The following SCFD2 variants were observed in gnomAD, a reference collection of about 807,000 sequenced individuals.
SCFD2 encodes sec1 family domain-containing protein 2.
SCFD2 carries 54 observed loss-of-function variants against 58.9 expected under a neutral mutation model. That is an observed-to-expected ratio of 0.92 (90% CI 0.74 to 1.15). The LOEUF (loss-of-function observed/expected upper bound fraction) is 1.15, where lower values mean the gene tolerates loss of function less well. SCFD2 is among the 50% of genes most tolerant of loss of function. The pLI, the probability that SCFD2 is intolerant of heterozygous loss-of-function variation, is 0.00. For synonymous variants in SCFD2, 321 were observed against 335.9 expected, an observed-to-expected ratio of 0.96 and a Z score of 0.49; for missense variants, 805 against 836.6, an observed-to-expected ratio of 0.96 and a Z score of 0.47.
At chr4:52,955,879 C>T (rs1035657532) in intron 5 of SCFD2, 9 of 354,754 alleles carry the variant, frequency 2.5e-5, no homozygotes, top group African/African-American at 1.7e-4. Flanking sequence ...AGTTAGCATG[C>T]TCTAATTGAA....
At chr4:52,923,477 CAAAT>C (rs57571099) in intron 5 of SCFD2, among the ~76,000 whole-genome samples, 4,582 of 134,400 alleles carry the variant, frequency 0.034, 260 homozygotes, top group African/African-American at 0.12. Context: ...GACTGCATCT[CAAAT>C]AAATAAATAA....
At chr4:53,048,942 G>T (rs1271615434) in intron 5 of SCFD2, among the ~76,000 whole-genome samples, 7 of 151,984 alleles carry the variant, frequency 4.6e-5, no homozygotes, top group Non-Finnish European at 7.4e-5. Context: ...GCGAGACCTA[G>T]TCTCAAATAA....
intron 5 of SCFD2, among the ~76,000 whole-genome samples, chr4:52,999,440 C>T (rs1361453466): frequency 6.6e-6 from 1 of 152,142 alleles, no homozygotes; most frequent in African/African-American, 2.4e-5. Flanking sequence ...GGAGGTGACA[C>T]AAATCAGAGG....
At chr4:53,239,611 A>C (rs1158581253) in intron 4 of SCFD2, among the ~76,000 whole-genome samples, 1 of 152,076 alleles carries the variant, frequency 6.6e-6, no homozygotes, top group Non-Finnish European at 1.5e-5. Flanking sequence ...TAGCCTCATG[A>C]GTAGCTGGGA....
At chr4:52,924,153 T>C (rs1719809517) in intron 5 of SCFD2, among the ~76,000 whole-genome samples, 1 of 152,188 alleles carries the variant, frequency 6.6e-6, no homozygotes, top group African/African-American at 2.4e-5. Context: ...CCATTTTCCA[T>C]ATGGTCTCTT....
chr4:53,237,495 A>AT (rs1484747640), intron 4 of SCFD2, among the ~76,000 whole-genome samples: 7 of 8,178 alleles, frequency 8.6e-4, no homozygotes, highest in African/African-American at 1.8e-3. Flanking sequence ...TCCCTCCCGG[A>AT]CGGGCGGCTG....
At position 53,062,392 on chromosome 4, in the gene SCFD2, A is replaced by AATAATG. The variant is rs1211209032; in HGVS notation, c.1561+82940_1561+82941insCATTAT. ...CAAAGAAAAAAATACGTACAATAAC[A>AATAATG]ATAATAATAATAATAATAATAATAG... On this transcript the variant is annotated intron_variant, in intron 5 of 8. Transcript: ENST00000401642. 8.5e-5 allele frequency among the ~76,000 whole-genome samples: 3 copies of AATAATG among 35,340 alleles called. No individual in the cohort carries two copies. In the East Asian group the frequency reaches 2.4e-3, roughly 28 times the overall value. 23.2% of individuals were successfully genotyped at this position (35,340 alleles called of 152,430 possible).
intron 5 of SCFD2, among the ~76,000 whole-genome samples, chr4:53,014,659 CT>C (rs1436387397): frequency 2.0e-5 from 3 of 152,174 alleles, no homozygotes; most frequent in Non-Finnish European, 4.4e-5. Flanking sequence ...ATTAGGGCTC[CT>C]TGGGCTCCCC....
intron 5 of SCFD2, among the ~76,000 whole-genome samples, chr4:52,930,257 G>A (rs1161738962): frequency 6.6e-6 from 1 of 152,098 alleles, no homozygotes; most frequent in Admixed American, 6.5e-5. Context: ...AAGCAATAGG[G>A]AAAGGATTCC....
At chr4:53,134,576 T>C (rs987761986) in intron 5 of SCFD2, among the ~76,000 whole-genome samples, 3 of 152,232 alleles carry the variant, frequency 2.0e-5, no homozygotes, top group African/African-American at 7.2e-5. Context: ...TGCAAATAAA[T>C]GTGAAGCTTT....
chr4:53,002,893 G>T (rs368615447), intron 5 of SCFD2, among the ~76,000 whole-genome samples: 2 of 152,300 alleles, frequency 1.3e-5, no homozygotes, highest in East Asian at 3.9e-4. Flanking sequence ...TTTACTCATG[G>T]CGGAAGGCAA....
chr4:53,012,836 G>GTGTGT (rs1553914338), intron 5 of SCFD2, among the ~76,000 whole-genome samples: 4 of 145,084 alleles, frequency 2.8e-5, no homozygotes, highest in African/African-American at 1.0e-4. Context: ...GTGTGTGTGT[G>GTGTGT]TTTTTTTTTA....
In SCFD2 at chr4:53,238,206, G is replaced by A. The variant is rs537227358; in HGVS notation, c.1311+35620C>T. Among the ~76,000 whole-genome samples the A allele has an allele frequency of 1.7e-3, 233 of 139,046 alleles. 3 individuals carry two copies. The highest frequency in any genetic ancestry group is 0.011 in the East Asian group (47 of 4,128). 91.2% of individuals were successfully genotyped at this position (139,046 alleles called of 152,430 possible). A position where few individuals can be genotyped will look rare whatever the true frequency, so the allele number is the denominator to read the frequency against. ...TGACCCCCCCACCTCCCTCCCGGAC[G>A]GGGCGGCTGGCCGGGCAGAGGGGCT... On this transcript the variant is annotated intron_variant, in intron 4 of 8. Transcript: ENST00000401642.
intron 5 of SCFD2, among the ~76,000 whole-genome samples, chr4:52,978,965 T>G (rs1021109763): frequency 3.3e-5 from 5 of 152,040 alleles, no homozygotes; most frequent in Admixed American, 6.6e-5. Flanking sequence ...CTTGCTATCT[T>G]GTCCAGGGGT....
chr4:53,035,413 G>T (rs978783705), intron 5 of SCFD2, among the ~76,000 whole-genome samples: 85 of 152,208 alleles, frequency 5.6e-4, no homozygotes, highest in African/African-American at 2.0e-3. Flanking sequence ...ACATAGGCAT[G>T]GGCAAAGACT....
chr4:53,017,823 C>G (rs1722250725), intron 5 of SCFD2, among the ~76,000 whole-genome samples: 1 of 152,164 alleles, frequency 6.6e-6, no homozygotes, highest in African/African-American at 2.4e-5. Context: ...AGAAACCCAG[C>G]AAGCCACCAC....
chr4:53,218,329 C>T (rs1299692282), intron 4 of SCFD2, among the ~76,000 whole-genome samples: 1 of 152,184 alleles, frequency 6.6e-6, no homozygotes, highest in Non-Finnish European at 1.5e-5. Flanking sequence ...TTCTTGGAAG[C>T]TGTGTTCATT....
At chr4:52,937,466 G>A (rs1720168231) in intron 5 of SCFD2, among the ~76,000 whole-genome samples, 1 of 152,194 alleles carries the variant, frequency 6.6e-6, no homozygotes, top group East Asian at 1.9e-4. Flanking sequence ...CACCAGGAGA[G>A]AAGCAGACCA....
intron 7 of SCFD2, among the ~76,000 whole-genome samples, chr4:52,899,980 T>A (rs1397465792): frequency 5.3e-5 from 8 of 152,254 alleles, no homozygotes; most frequent in African/African-American, 1.7e-4. Flanking sequence ...GTAGTTCTCG[T>A]GCCGTGGTTG....
Sources: gnomAD v4.1 joint callset for allele counts (sites outside exome capture counted in the v4.1 genomes callset) on GRCh38, gnomAD v4.1.1 for gene constraint, MANE v1.5 for transcripts, NCBI Gene and HGNC (gene_info 2026-07-23, HGNC 2026-07-21) for gene names.